The following ARHGEF3 variants were observed in gnomAD, a reference collection of about 807,000 sequenced individuals.
The protein encoded by ARHGEF3 is 59.8 kDA protein.
A neutral mutation model predicts 63.2 loss-of-function variants in ARHGEF3; 28 were observed. That is an observed-to-expected ratio of 0.44 (90% CI 0.33 to 0.61). The LOEUF (loss-of-function observed/expected upper bound fraction) is 0.61. Ranked by LOEUF, ARHGEF3 falls within the 20% of genes least tolerant of loss-of-function variation. ARHGEF3 has a pLI of 0.03. For missense variants in ARHGEF3, 533 were observed against 659.3 expected (o/e 0.81, Z 2.10); for synonymous variants, 266 against 254.2 (o/e 1.05, Z -0.44).
chr3:56,827,692 A>C (rs1198674428), intron 4 of ARHGEF3, among the ~76,000 whole-genome samples: 3 of 136,428 alleles, frequency 2.2e-5, no homozygotes, highest in African/African-American at 8.1e-5. Context: ...AGGTGAGCAA[A>C]TTACTTGAGC....
intron 1 of ARHGEF3, among the ~76,000 whole-genome samples, chr3:57,066,019 A>G (rs1705506956): frequency 6.6e-6 from 1 of 150,426 alleles, no homozygotes; most frequent in South Asian, 2.1e-4. Flanking sequence ...AGGGCAACAC[A>G]GTGAGACTCT....
chr3:57,032,316 C>T (rs1333135014), intron 2 of ARHGEF3, among the ~76,000 whole-genome samples: 1 of 152,202 alleles, frequency 6.6e-6, no homozygotes, highest in Non-Finnish European at 1.5e-5. Context: ...ACAAAGCCAT[C>T]ACTTTCAACT....
intron 2 of ARHGEF3, among the ~76,000 whole-genome samples, chr3:56,756,577 T>A (rs1421214756): frequency 7.5e-6 from 1 of 133,594 alleles, no homozygotes; most frequent in Non-Finnish European, 1.6e-5. Context: ...TGAGACAGAG[T>A]CTTGCTCTGT....
intron 2 of ARHGEF3, among the ~76,000 whole-genome samples, chr3:57,034,277 G>A (rs1703856320): frequency 6.8e-6 from 1 of 146,506 alleles, no homozygotes; most frequent in Non-Finnish European, 1.5e-5. Flanking sequence ...GGGATTACAG[G>A]CACACACTAC....
intron 3 of ARHGEF3, among the ~76,000 whole-genome samples, chr3:56,957,126 C>T (rs79899615): frequency 1.5e-3 from 224 of 152,212 alleles, no homozygotes; most frequent in African/African-American, 4.3e-3. Context: ...AATGGAGATC[C>T]TACCCACAAA....
At chr3:56,968,047 TATATAATATATATA>T (rs1700675341) in intron 2 of ARHGEF3, among the ~76,000 whole-genome samples, 2 of 2,702 alleles carry the variant, frequency 7.4e-4, no homozygotes, top group Non-Finnish European at 1.4e-3. Context: ...ATATAAAATA[TATATAATATATATA>T]ATATATATAA....
At chr3:56,921,514 C>G (rs2042142311) in intron 3 of ARHGEF3, among the ~76,000 whole-genome samples, 1 of 151,482 alleles carries the variant, frequency 6.6e-6, no homozygotes, top group Non-Finnish European at 1.5e-5. Context: ...AAATTAGAGC[C>G]TGAGAGTTGC....
In ARHGEF3 at chr3:56,729,456, T is replaced by C; in HGVS notation, c.1395A>G (p.Gly465=). 6.2e-7 allele frequency: 1 copy of C among 1,614,114 alleles called. No individual in the cohort carries two copies. The highest frequency in any genetic ancestry group is 8.5e-7 in the Non-Finnish European group (1 of 1,180,014). ...TCCCGGTGGTGGGATTTAGGAACGA[T>C]CCCTCGGAGTCAAGCACCCCAGCTT... ...AGQAGVLDSE[G]SFLNPTTGSR... Residue 465 remains glycine (G), a synonymous_variant, in exon 10 of 10, where the codon GGA becomes GGG. Coordinates refer to ENST00000296315, the MANE Select transcript of ARHGEF3 (RefSeq NM_019555.3).
chr3:56,733,710 A>G (rs907012021), intron 8 of ARHGEF3, among the ~76,000 whole-genome samples: 10 of 151,936 alleles, frequency 6.6e-5, no homozygotes, highest in Non-Finnish European at 1.3e-4. Context: ...CAGGCTGGGC[A>G]CAGTGGCTCA....
chr3:56,995,036 G>C (rs961272806), intron 2 of ARHGEF3, among the ~76,000 whole-genome samples: 3 of 152,090 alleles, frequency 2.0e-5, no homozygotes, highest in Admixed American at 2.0e-4. Flanking sequence ...TAAGTTTCCT[G>C]AGGCCTCAGG....
chr3:56,990,460 T>G (rs1445850541), intron 2 of ARHGEF3, among the ~76,000 whole-genome samples: 1 of 152,160 alleles, frequency 6.6e-6, no homozygotes, highest in African/African-American at 2.4e-5. Context: ...GACGTGCACG[T>G]GTAATCCCAG....
chr3:57,043,742 G>A (rs1319759322), intron 1 of ARHGEF3, among the ~76,000 whole-genome samples: 2 of 152,202 alleles, frequency 1.3e-5, no homozygotes, highest in South Asian at 4.1e-4. Flanking sequence ...CAAGAGTGAG[G>A]AGGAGGGTGA....
At chr3:56,973,357 T>C (rs1701001410) in intron 2 of ARHGEF3, among the ~76,000 whole-genome samples, 1 of 152,036 alleles carries the variant, frequency 6.6e-6, no homozygotes, top group South Asian at 2.1e-4. Flanking sequence ...CTATCTACTG[T>C]GGATTAAGTA....
At chr3:56,911,016 T>C (rs2041840417) in intron 3 of ARHGEF3, among the ~76,000 whole-genome samples, 1 of 152,066 alleles carries the variant, frequency 6.6e-6, no homozygotes, top group African/African-American at 2.4e-5. Flanking sequence ...AGGATCTCAG[T>C]CCTTGATGGC....
chr3:56,886,289 C>T (rs1269522590), intron 3 of ARHGEF3, among the ~76,000 whole-genome samples: 2 of 152,288 alleles, frequency 1.3e-5, no homozygotes, highest in Middle Eastern at 3.4e-3. Context: ...AGCCAGCTTC[C>T]CTTAAAATAG....
At chr3:57,002,043 C>A (rs142320596) in intron 2 of ARHGEF3, among the ~76,000 whole-genome samples, 2,664 of 151,228 alleles carry the variant, frequency 0.018, 85 homozygotes, top group African/African-American at 0.062. Flanking sequence ...CCTGCCTCAG[C>A]CTCCTGAGTA....
intron 4 of ARHGEF3, among the ~76,000 whole-genome samples, chr3:56,822,884 G>A (rs1278797335): frequency 1.3e-5 from 2 of 149,894 alleles, no homozygotes; most frequent in Non-Finnish European, 3.0e-5. Flanking sequence ...GTATCAGAAG[G>A]AAGGTCTCCC....
intron 2 of ARHGEF3, 80 bp downstream of exon 2, chr3:56,773,629 G>A (rs1212936120): frequency 8.0e-7 from 1 of 1,250,616 alleles, no homozygotes; most frequent in African/African-American, 1.5e-5. Context: ...GAAACCAGGG[G>A]AAATTCTAGG....
At position 56,801,921 on chromosome 3, in the gene ARHGEF3, G is replaced by T; in HGVS notation, c.-123C>A. 1 of 1,539,078 alleles carries T rather than the reference G, an allele frequency of 6.5e-7. No individual in the cohort carries two copies. Among genetic ancestry groups the T allele is most frequent in the Non-Finnish European group, 8.7e-7 (1 of 1,144,670 alleles). ...GGCGGCGGCGACACGGAGACCGACA[G>T]CCGGCTTCTAGCCGGGCAGGACTCG... On this transcript the variant is annotated 5_prime_UTR_variant, in exon 1 of 10. It adds an upstream start codon to the 5' untranslated region. Transcript: ENST00000296315.
Sources: gnomAD v4.1 joint callset for allele counts (sites outside exome capture counted in the v4.1 genomes callset) on GRCh38, gnomAD v4.1.1 for gene constraint, MANE v1.5 for transcripts, NCBI Gene and HGNC (gene_info 2026-07-23, HGNC 2026-07-21) for gene names.